Variants in PTPRT observed in about 807,000 individuals in gnomAD.
PTPRT encodes protein tyrosine phosphatase receptor type T, also known as receptor-type tyrosine-protein phosphatase T.
In PTPRT, 56 loss-of-function variants were observed where a neutral mutation model predicts 176.8. That is an observed-to-expected ratio of 0.32 (90% CI 0.26 to 0.40). The LOEUF is 0.40. Ranked by LOEUF, PTPRT falls within the 10% of genes least tolerant of loss-of-function variation. PTPRT has a pLI of 1.00. For synonymous variants in PTPRT, 783 were observed against 739.0 expected (o/e 1.06, Z -0.96); for missense variants, 1,540 against 1,908.2 (o/e 0.81, Z 3.60).
chr20:42,073,954 G>T lies in PTPRT; in HGVS notation c.*6925C>A, dbSNP rs1982534727. 1 of 229,910 alleles carries T rather than the reference G, an allele frequency of 4.3e-6. No individual in the cohort carries two copies. Among genetic ancestry groups the T allele is most frequent in the African/African-American group, 2.2e-5 (1 of 45,108 alleles). 14.2% of individuals were successfully genotyped at this position (229,910 alleles called of 1,614,324 possible). On this transcript the variant is annotated 3_prime_UTR_variant, in exon 31 of 31. Coordinates refer to ENST00000373187, the MANE Select transcript of PTPRT (RefSeq NM_007050.6). ...TGAGATGGGCAGCTTATCCTCTCTG[G>T]CAGACAGCAGGTTCTTCCTTACAGC...
chr20:42,605,804 G>C (rs547032771), intron 7 of PTPRT, among the ~76,000 whole-genome samples: 4 of 152,190 alleles, frequency 2.6e-5, no homozygotes, highest in Non-Finnish European at 4.4e-5. Flanking sequence ...ACCGATTAGA[G>C]GGTCACAGGT....
chr20:42,858,547 T>C (rs894226295), intron 2 of PTPRT, among the ~76,000 whole-genome samples: 2 of 152,138 alleles, frequency 1.3e-5, no homozygotes, highest in African/African-American at 4.8e-5. Flanking sequence ...AGTGTCCTTA[T>C]AAAAGGGACC....
chr20:42,472,649 C>A, intron 7 of PTPRT, 87 bp from the exon 8 acceptor site: 1 of 1,333,750 alleles, frequency 7.5e-7, no homozygotes, highest in Non-Finnish European at 1.0e-6. Context: ...GGGAACACAG[C>A]TTTTCCAAAC....
intron 1 of PTPRT, among the ~76,000 whole-genome samples, chr20:43,108,583 G>A (rs1046438882): frequency 6.6e-6 from 1 of 152,104 alleles, no homozygotes; most frequent in African/African-American, 2.4e-5. Flanking sequence ...GCGGGGGCTT[G>A]AGGACAGATA....
chr20:42,449,252 G>T (rs1405450324), intron 8 of PTPRT, among the ~76,000 whole-genome samples: 2 of 152,124 alleles, frequency 1.3e-5, no homozygotes, highest in East Asian at 3.9e-4. Flanking sequence ...TTGTTGGTTG[G>T]ATGAATAGGT....
chr20:42,984,115 C>T (rs1399472471), intron 1 of PTPRT, among the ~76,000 whole-genome samples: 1 of 152,224 alleles, frequency 6.6e-6, no homozygotes, highest in Non-Finnish European at 1.5e-5. Flanking sequence ...TGCATTTATC[C>T]ACATGTGCAC....
intron 1 of PTPRT, among the ~76,000 whole-genome samples, chr20:43,138,665 G>T (rs77426615): frequency 0.017 from 2,636 of 152,210 alleles, 71 homozygotes; most frequent in African/African-American, 0.06. Flanking sequence ...CACCTGTGAC[G>T]GGGTCACTCG....
chr20:42,653,692 AAT>A (rs1340451671), intron 7 of PTPRT, among the ~76,000 whole-genome samples: 16 of 152,218 alleles, frequency 1.1e-4, no homozygotes, highest in Non-Finnish European at 2.4e-4. Context: ...CTATTTAAAA[AAT>A]AGTTTCATTT....
chr20:42,980,207 A>G (rs530369440), intron 1 of PTPRT, among the ~76,000 whole-genome samples: 1 of 152,304 alleles, frequency 6.6e-6, no homozygotes, highest in South Asian at 2.1e-4. Context: ...AAAGAAAAGA[A>G]AGGAGAAAAA....
At chr20:42,247,191 C>T (rs1030868860) in intron 14 of PTPRT, among the ~76,000 whole-genome samples, 1 of 152,128 alleles carries the variant, frequency 6.6e-6, no homozygotes, top group Non-Finnish European at 1.5e-5. Flanking sequence ...GAGCTTGAGG[C>T]AAGACATGAT....
chr20:42,931,929 T>G (rs922330433), intron 1 of PTPRT, among the ~76,000 whole-genome samples: 1 of 152,220 alleles, frequency 6.6e-6, no homozygotes, highest in Non-Finnish European at 1.5e-5. Context: ...GCACTAAAAC[T>G]CATCCTGTCA....
At position 42,119,245 on chromosome 20, in the gene PTPRT, T is replaced by C. The variant is rs1171526201; in HGVS notation, c.2884+690A>G. Among the ~76,000 whole-genome samples the C allele has an allele frequency of 3.3e-5, 5 of 152,314 alleles. No homozygotes were observed. In the East Asian group the frequency reaches 9.6e-4, roughly 29 times the overall value. On this transcript the variant is annotated intron_variant, in intron 20 of 30. Transcript: ENST00000373187. ...CATCAGACCTATTATATGCATTTTC[T>C]GATGCCCTTAAAAATTCTTACCAAG...
chr20:42,662,728 C>T (rs1343254388), intron 7 of PTPRT, among the ~76,000 whole-genome samples: 1 of 152,122 alleles, frequency 6.6e-6, no homozygotes, highest in African/African-American at 2.4e-5. Flanking sequence ...ATTTAACTGT[C>T]CCTTACTCTA....
intron 1 of PTPRT, among the ~76,000 whole-genome samples, chr20:43,030,066 G>C (rs1216402913): frequency 2.0e-5 from 3 of 152,160 alleles, no homozygotes; most frequent in Non-Finnish European, 4.4e-5. Context: ...GCATAATCTA[G>C]CCTATCCTAA....
Position 42,315,901 on chromosome 20 carries a change from T to C in PTPRT, c.1961A>G (p.Asn654Ser), listed in dbSNP as rs1180488949. 1.9e-6 allele frequency: 3 copies of C among 1,613,928 alleles called. No individual in the cohort carries two copies. Among genetic ancestry groups the C allele is most frequent in the Non-Finnish European group, 1.7e-6 (2 of 1,180,010 alleles). Residue 654 changes from asparagine (N) to serine (S), a missense_variant, in exon 12 of 31, where the codon AAT (asparagine) becomes AGT (serine). Physicochemically the swap from Asn to Ser is conservative, Grantham distance 46. Around this residue, in one of 11 missense-constraint regions of PTPRT, gnomAD observed 81 missense variants for 89.9 expected, o/e 0.90. Transcript: ENST00000373187. ...GTGTAGAGAATCGAGGCTGGAGGCA[T>C]TCCGATAGCTCACGGGCACCGAAAA... ...ECFSVPVSYR[N>S]ASSLDSLHYF...
intron 2 of PTPRT, among the ~76,000 whole-genome samples, chr20:42,794,247 T>C (rs371232578): frequency 6.6e-6 from 1 of 152,152 alleles, no homozygotes; most frequent in East Asian, 1.9e-4. Flanking sequence ...TTCTAGATAA[T>C]GGGGCATGAG....
chr20:42,079,739 C>T lies in PTPRT; in HGVS notation c.*1140G>A. 1 of 229,312 alleles carries T rather than the reference C, an allele frequency of 4.4e-6. No homozygotes were observed. Among genetic ancestry groups the T allele is most frequent in the Non-Finnish European group, 8.7e-6 (1 of 115,540 alleles). 14.2% of individuals were successfully genotyped at this position (229,312 alleles called of 1,614,324 possible). ...CTTTAGGAAGGAGTTCAAATTTGGA[C>T]ATCCAAATTATGCACAAAGCTGGTG... is the stretch of plus-strand genomic sequence containing the variant. On this transcript the variant is annotated 3_prime_UTR_variant, in exon 31 of 31. Coordinates refer to ENST00000373187, the MANE Select transcript of PTPRT (RefSeq NM_007050.6).
chr20:42,415,275 G>C (rs1466486367), intron 9 of PTPRT, among the ~76,000 whole-genome samples: 1 of 152,166 alleles, frequency 6.6e-6, no homozygotes, highest in African/African-American at 2.4e-5. Context: ...TTGAGCTCCT[G>C]GGCTCAAGTG....
chr20:42,519,127 T>G (rs368791837), intron 7 of PTPRT, among the ~76,000 whole-genome samples: 2 of 152,156 alleles, frequency 1.3e-5, no homozygotes, highest in Non-Finnish European at 2.9e-5. Context: ...CATTCACTTC[T>G]TTTTGTTCCG....
Sources: gnomAD v4.1 joint callset for allele counts (sites outside exome capture counted in the v4.1 genomes callset) on GRCh38, gnomAD v4.1.1 for gene constraint, gnomAD v4.1.1 regional missense constraint, MANE v1.5 for transcripts, NCBI Gene and HGNC (gene_info 2026-07-23, HGNC 2026-07-21) for gene names.